Variants in FREM2 observed in about 807,000 individuals in gnomAD.
FREM2 encodes the protein FRAS1 related extracellular matrix 2, also known as FRAS1-related extracellular matrix protein 2.
Under a neutral mutation model 219.9 loss-of-function variants are expected in FREM2, and 119 were observed. The observed-to-expected ratio is 0.54, with a 90% CI of 0.47 to 0.63. The LOEUF is 0.63. Ranked by LOEUF, FREM2 falls within the 30% of genes least tolerant of loss-of-function variation. The probability of loss-of-function intolerance (pLI) is 0.00; values close to 1 mark genes in which losing one functional copy is unlikely to be tolerated. For missense variants in FREM2, 4,030 were observed against 3,993.6 expected (o/e 1.01, Z -0.25); for synonymous variants, 1,562 against 1,522.8 (o/e 1.03, Z -0.60).
At position 38,691,915 on chromosome 13, in the gene FREM2, T is replaced by C. The variant is rs1869889828; in HGVS notation, c.4571T>C (p.Ile1524Thr). The C allele has an allele frequency of 6.2e-7, 1 of 1,614,034 alleles. No homozygotes were observed. Among genetic ancestry groups the C allele is most frequent in the African/African-American group, 1.3e-5 (1 of 74,930 alleles). ...AACCCTGTCTTTCGGACATTCCGTA[T>C]CTCCATTAGCGATGTGGACAATAAA... The part of the protein sequence containing the change: ...GRNPVFRTFR[I>T]SISDVDNKKP... Residue 1524 changes from isoleucine to threonine, a missense_variant, in exon 1 of 24, where the codon ATC (isoleucine) becomes ACC (threonine). Transcript: ENST00000280481.
chr13:38,783,938 T>A (rs1179192598), intron 5 of FREM2, among the ~76,000 whole-genome samples: 1 of 152,114 alleles, frequency 6.6e-6, no homozygotes, highest in Admixed American at 6.5e-5. Flanking sequence ...CTACTAAAAA[T>A]ACAAAAATTA....
chr13:38,788,869 A>G (rs1939957959), intron 6 of FREM2, among the ~76,000 whole-genome samples: 1 of 152,118 alleles, frequency 6.6e-6, no homozygotes. Context: ...ATCAGGAATA[A>G]GTATTAAACA....
At chr13:38,781,385 C>T (rs1034117974) in intron 4 of FREM2, among the ~76,000 whole-genome samples, 2 of 152,114 alleles carry the variant, frequency 1.3e-5, no homozygotes, top group Non-Finnish European at 2.9e-5. Context: ...CCTCTACTCA[C>T]ACCCTGTCCA....
At position 38,691,873 on chromosome 13, in the gene FREM2, A is replaced by T; in HGVS notation, c.4529A>T (p.Gln1510Leu). The T allele has an allele frequency of 6.2e-7, 1 of 1,614,128 alleles. No individual in the cohort carries two copies. The highest frequency in any genetic ancestry group is 8.5e-7 in the Non-Finnish European group (1 of 1,180,028). The change falls in exon 1 of 24, where the codon CAA becomes CTA. Residue 1510 changes from glutamine to leucine, a missense_variant. Transcript: ENST00000280481. ...GTGAAAATGGACAGTTTTGAGTTTC[A>T]AGTCACCGATGGACGTAACCCTGTC... ...DEVKMDSFEF[Q>L]VTDGRNPVFR...
intron 6 of FREM2, among the ~76,000 whole-genome samples, chr13:38,814,545 G>C (rs1227254451): frequency 6.6e-6 from 1 of 152,094 alleles, no homozygotes; most frequent in Non-Finnish European, 1.5e-5. Flanking sequence ...CTGGAACCTG[G>C]GGTGTGGTGA....
chr13:38,690,450 C>A lies in FREM2; in HGVS notation c.3106C>A (p.Leu1036Met), dbSNP rs762752015. 6.2e-7 allele frequency: 1 copy of A among 1,614,214 alleles called. No individual in the cohort carries two copies. The highest frequency in any genetic ancestry group is 1.1e-5 in the South Asian group (1 of 91,082). ...LPKADSFNLS[L>M]SDMSQEWRIG... ...TAAAGCGGATTCTTTTAACCTGAGT[C>A]TGTCAGATATGTCTCAAGAATGGAG... The change falls in exon 1 of 24, where the codon CTG (leucine) becomes ATG (methionine). Residue 1036 changes from leucine (L) to methionine (M), a missense_variant. By Grantham distance (15) the Leu-to-Met change is conservative. Coordinates refer to ENST00000280481, the MANE Select transcript of FREM2 (RefSeq NM_207361.6).
intron 2 of FREM2, among the ~76,000 whole-genome samples, chr13:38,735,433 C>T (rs988175652): frequency 2.6e-5 from 4 of 152,104 alleles, no homozygotes; most frequent in African/African-American, 4.8e-5. Flanking sequence ...GAATTATCTG[C>T]TCTCTTTTAT....
chr13:38,875,982 A>G (rs1259683687), intron 18 of FREM2, 40 bp from the exon 19 acceptor site: 1 of 1,569,152 alleles, frequency 6.4e-7, no homozygotes, highest in East Asian at 2.2e-5. Context: ...CTTTTAATTG[A>G]ACCACTATAT....
intron 2 of FREM2, among the ~76,000 whole-genome samples, chr13:38,734,651 T>A (rs2218721): frequency 0.77 from 117,371 of 151,652 alleles, 45,528 homozygotes; most frequent in Middle Eastern, 0.8. Context: ...ATAACAGCAA[T>A]CCTATGACAT....
Position 38,850,063 on chromosome 13 carries a change from A to AAT in FREM2, c.6411_6412dup (p.Thr2138IlefsTer10). 6.2e-7 allele frequency: 1 copy of AAT among 1,614,006 alleles called. No homozygotes were observed. Among genetic ancestry groups the AAT allele is most frequent in the Non-Finnish European group, 8.5e-7 (1 of 1,179,880 alleles). ...TGCCTAAGATGCAATTCAAAGAACGAATATATACTGGCAGCGAAAGTGATG... is the reference window on the plus strand; with the variant it reads ...TGCCTAAGATGCAATTCAAAGAACGAATATATATACTGGCAGCGAAAGTGATG... On this transcript the variant is annotated frameshift_variant, in exon 9 of 24. Transcript: ENST00000280481. LOFTEE classifies it high-confidence loss of function.
intron 4 of FREM2, among the ~76,000 whole-genome samples, chr13:38,774,929 A>G (rs1393173115): frequency 6.6e-6 from 1 of 152,208 alleles, no homozygotes; most frequent in Non-Finnish European, 1.5e-5. Flanking sequence ...TGATATTTCC[A>G]TGATACCAAA....
chr13:38,714,773 A>G lies in FREM2; in HGVS notation c.5263+16986A>G, dbSNP rs570258747. Reference sequence around the variant, plus strand: ...ATTTATGTAGTTTTTAGTTAAAAAAACTTAATTTAAAAAAAATTACTTAAA... The same window carrying G: ...ATTTATGTAGTTTTTAGTTAAAAAAGCTTAATTTAAAAAAAATTACTTAAA... On this transcript the variant is annotated intron_variant, in intron 2 of 23. Transcript: ENST00000280481. Among the ~76,000 whole-genome samples the G allele has an allele frequency of 2.6e-4, 39 of 152,258 alleles. No homozygotes were observed. The South Asian group carries it at 8.1e-3, about 32-fold the overall frequency.
chr13:38,690,352 A>G lies in FREM2; in HGVS notation c.3008A>G (p.Gln1003Arg). Residue 1003 changes from glutamine (Q) to arginine (R), a missense_variant, in exon 1 of 24, where the codon CAG becomes CGG. Around this residue, in one of 2 missense-constraint regions of FREM2, gnomAD observed 3,102 missense variants for 2,950.7 expected, o/e 1.05. Transcript: ENST00000280481. ...EILVNGIPAE[Q>R]FTQRDILEGS... Reference sequence around the variant, plus strand: ...TTGGTCAATGGCATTCCAGCAGAGCAGTTTACTCAAAGGGACATCTTGGAG... The same window carrying G: ...TTGGTCAATGGCATTCCAGCAGAGCGGTTTACTCAAAGGGACATCTTGGAG... 1 of 1,614,240 alleles carries G rather than the reference A, an allele frequency of 6.2e-7. No individual in the cohort carries two copies. The highest frequency in any genetic ancestry group is 8.5e-7 in the Non-Finnish European group (1 of 1,180,036).
rs1293627187 is a variant in FREM2 at position 38,784,121 on chromosome 13, C to T, written c.5768-436C>T. ...CTCAAAAAAAAAGCTGACTTCAGGA[C>T]CAGCCTTGGACTCCGGGGTCCAGAC... On this transcript the variant is annotated intron_variant, in intron 5 of 23. Coordinates refer to ENST00000280481, the MANE Select transcript of FREM2 (RefSeq NM_207361.6). 2.0e-5 allele frequency among the ~76,000 whole-genome samples: 3 copies of T among 152,158 alleles called. No homozygotes were observed. In the East Asian group the frequency reaches 5.8e-4, roughly 29 times the overall value.
chr13:38,776,737 A>G (rs751754762), intron 4 of FREM2, among the ~76,000 whole-genome samples: 3 of 152,144 alleles, frequency 2.0e-5, no homozygotes, highest in African/African-American at 2.4e-5. Context: ...ATATATGGGA[A>G]CCATATGCAC....
intron 6 of FREM2, among the ~76,000 whole-genome samples, chr13:38,811,243 T>A (rs1447689878): frequency 6.6e-6 from 1 of 152,042 alleles, no homozygotes; most frequent in East Asian, 1.9e-4. Flanking sequence ...TCAATGTTGT[T>A]TATCAATAAC....
rs564593165 is a variant in FREM2, at chr13:38,783,318, A to G, written c.5767+123A>G. On this transcript the variant is annotated intron_variant, in intron 5 of 23. Coordinates refer to ENST00000280481, the MANE Select transcript of FREM2 (RefSeq NM_207361.6). ...CTTTATTAATTTTCCATAGATACAG[A>G]AAAGGATTTATTTAGAAGTCTTTCT... 2.1e-4 allele frequency: 226 copies of G among 1,054,042 alleles called. No homozygotes were observed. The African/African-American group carries it at 3.3e-3, about 16-fold the overall frequency. 65.3% of individuals were successfully genotyped at this position (1,054,042 alleles called of 1,614,324 possible).
At chr13:38,826,225 G>A (rs1465144706) in intron 6 of FREM2, among the ~76,000 whole-genome samples, 2 of 152,098 alleles carry the variant, frequency 1.3e-5, no homozygotes, top group Non-Finnish European at 2.9e-5. Context: ...AGGGCAAGAA[G>A]AATAGCTTGG....
At chr13:38,738,305 C>T (rs1233160183) in intron 2 of FREM2, among the ~76,000 whole-genome samples, 2 of 151,988 alleles carry the variant, frequency 1.3e-5, no homozygotes, top group Non-Finnish European at 2.9e-5. Context: ...GTGGCTCACA[C>T]CTGTAATCTC....
Sources: gnomAD v4.1 joint callset for allele counts (sites outside exome capture counted in the v4.1 genomes callset) on GRCh38, gnomAD v4.1.1 for gene constraint, gnomAD v4.1.1 regional missense constraint, MANE v1.5 for transcripts, NCBI Gene and HGNC (gene_info 2026-07-23, HGNC 2026-07-21) for gene names.